The following UBR4 variants were observed in gnomAD, a reference collection of about 807,000 sequenced individuals.
UBR4 encodes ubiquitin protein ligase E3 component n-recognin 4.
UBR4 carries 124 observed loss-of-function variants against 575.6 expected under a neutral mutation model. That is an observed-to-expected ratio of 0.22 (90% CI 0.19 to 0.25). The LOEUF is 0.25. Among genes scored for constraint, UBR4 ranks in the 10% least tolerant of loss-of-function variants. The pLI is 1.00. For synonymous variants in UBR4, 2,455 were observed against 2,473.7 expected (o/e 0.99, Z 0.22); for missense variants, 4,818 against 6,478.8 (o/e 0.74, Z 8.80).
chr1:19,133,588 A>G (rs1051239267), intron 60 of UBR4, among the ~76,000 whole-genome samples: 4 of 152,218 alleles, frequency 2.6e-5, no homozygotes, highest in African/African-American at 7.2e-5. Context: ...TGGAACGAAA[A>G]AAGTTACACT....
Position 19,145,908 on chromosome 1 carries a change from C to T in UBR4, c.7830G>A (p.Pro2610=), listed in dbSNP as rs374122451. 4.5e-5 allele frequency: 73 copies of T among 1,614,108 alleles called. No individual in the cohort carries two copies. The highest frequency in any genetic ancestry group is 1.5e-4 in the African/African-American group (11 of 75,050). Reference sequence around the variant, plus strand: ...AGCAATCTCCTTCCAACTGCTTCTGCGGTTCCTTCCCTTCATCCATTCCTT... The same window carrying T: ...AGCAATCTCCTTCCAACTGCTTCTGTGGTTCCTTCCCTTCATCCATTCCTT... ...ETEGMDEGKE[P]QKQLEGDCCS... is the part of the protein sequence containing the mutation. Residue 2610 remains proline, a synonymous_variant, in exon 53 of 106, where the codon CCG becomes CCA. Coordinates refer to ENST00000375254, the MANE Select transcript of UBR4 (RefSeq NM_020765.3).
chr1:19,163,925 G>T (rs2087834391), intron 33 of UBR4, 98 bp from the exon 34 acceptor site: 5 of 1,304,904 alleles, frequency 3.8e-6, no homozygotes, highest in African/African-American at 1.5e-5. Context: ...TCAATCTGAG[G>T]ACACTGTGAA....
intron 25 of UBR4, 150 bp downstream of exon 25, chr1:19,172,714 G>T (rs554843398): frequency 5.5e-5 from 38 of 687,026 alleles, no homozygotes; most frequent in Non-Finnish European, 8.7e-5. Context: ...TCCTCATCAA[G>T]CACCCCTTCA....
intron 71 of UBR4, 100 bp from the exon 72 acceptor site, chr1:19,118,010 A>C (rs1390325984): frequency 1.5e-5 from 17 of 1,133,818 alleles, no homozygotes. Context: ...ATGTGAGCCA[A>C]AGTGAGCCCA....
chr1:19,174,474 T>C (rs368110645), intron 21 of UBR4, 27 bp from the exon 22 acceptor site: 10 of 1,600,416 alleles, frequency 6.2e-6, no homozygotes, highest in Non-Finnish European at 7.6e-6. Context: ...AAGAGAGTCA[T>C]TTCCTTACTT....
chr1:19,184,307 G>T, intron 15 of UBR4, 132 bp from the exon 16 acceptor site: 1 of 1,010,850 alleles, frequency 9.9e-7, no homozygotes, highest in Admixed American at 3.0e-5. Context: ...GAAAGAATCA[G>T]ATTTTAAATC....
chr1:19,155,835 C>A (rs914365897), intron 42 of UBR4, among the ~76,000 whole-genome samples, 167 bp from the exon 43 acceptor site: 14 of 152,124 alleles, frequency 9.2e-5, no homozygotes, highest in Non-Finnish European at 4.4e-5. Context: ...AACAGAACAC[C>A]TTTCACTCTC....
intron 67 of UBR4, 100 bp downstream of exon 67, chr1:19,121,834 G>C (rs1413065083): frequency 7.5e-7 from 1 of 1,325,938 alleles, no homozygotes; most frequent in Admixed American, 1.9e-5. Context: ...CTTGTTCACA[G>C]CTATATCTCC....
At chr1:19,125,915 C>T (rs959995406) in intron 64 of UBR4, among the ~76,000 whole-genome samples, 1 of 152,198 alleles carries the variant, frequency 6.6e-6, no homozygotes, top group Non-Finnish European at 1.5e-5. Flanking sequence ...TCAATGCTCA[C>T]AACAGCCCTG....
Position 19,193,608 on chromosome 1 carries a change from A to G in UBR4, c.1019-51T>C, listed in dbSNP as rs369303847. 6.1e-5 allele frequency: 94 copies of G among 1,550,178 alleles called. No homozygotes were observed. The Middle Eastern group carries it at 1.2e-3, about 20-fold the overall frequency. On this transcript the variant is annotated intron_variant, in intron 8 of 105. Transcript: ENST00000375254. ...AGCCATGGAGTGCATCCAAGAATCC[A>G]CCAAAGCTGAAACACAAAAGCACAC...
chr1:19,154,962 C>T lies in UBR4; in HGVS notation c.6414G>A (p.Arg2138=). 1 of 1,614,172 alleles carries T rather than the reference C, an allele frequency of 6.2e-7. No homozygotes were observed. Among genetic ancestry groups the T allele is most frequent in the Non-Finnish European group, 8.5e-7 (1 of 1,180,004 alleles). ...AGAGTTGCAACACCTCCAGGGTTGT[C>T]CTGCTGATGGTGGCTGCGAATGATT... ...QGKSFAATIS[R]TTLEVLQLFP... The change falls in exon 44 of 106, where the codon AGG becomes AGA. Residue 2138 remains arginine, a synonymous_variant. Coordinates refer to ENST00000375254, the MANE Select transcript of UBR4 (RefSeq NM_020765.3).
chr1:19,130,164 T>G (rs2082264208), intron 60 of UBR4, among the ~76,000 whole-genome samples: 1 of 152,196 alleles, frequency 6.6e-6, no homozygotes, highest in African/African-American at 2.4e-5. Context: ...TGCAGTGAGC[T>G]ATGATCATAC....
chr1:19,160,287 A>G lies in UBR4; in HGVS notation c.5407-6T>C, dbSNP rs570827271. On this transcript the variant is annotated splice_polypyrimidine_tract_variant and splice_region_variant and intron_variant, in intron 38 of 105. Transcript: ENST00000375254. Reference sequence around the variant, plus strand: ...GGAGCGAAGGAGAAATTGGCCTGAGAAAAATAGAAAAAATACACCAGTGAA... The same window carrying G: ...GGAGCGAAGGAGAAATTGGCCTGAGGAAAATAGAAAAAATACACCAGTGAA... The G allele has an allele frequency of 6.3e-7, 1 of 1,588,610 alleles. No individual in the cohort carries two copies. The highest frequency in any genetic ancestry group is 2.3e-5 in the East Asian group (1 of 44,304).
chr1:19,189,065 G>A (rs529606804), intron 11 of UBR4, among the ~76,000 whole-genome samples: 11 of 152,174 alleles, frequency 7.2e-5, no homozygotes, highest in African/African-American at 2.6e-4. Flanking sequence ...AAATACAAAT[G>A]ACCAATAAAT....
chr1:19,107,619 T>A (rs554998799), intron 81 of UBR4, among the ~76,000 whole-genome samples: 62 of 151,984 alleles, frequency 4.1e-4, no homozygotes, highest in African/African-American at 1.5e-3. Context: ...TCCATTTCGA[T>A]ACAAAATACA....
chr1:19,149,758 C>CG, intron 49 of UBR4: 2 of 1,301,586 alleles, frequency 1.5e-6, no homozygotes, highest in Non-Finnish European at 2.0e-6. Context: ...AGAGGGCATA[C>CG]TAACCGGTCC....
chr1:19,079,175 C>T (rs1396399951), intron 103 of UBR4: 1 of 152,144 alleles, frequency 6.6e-6, no homozygotes, highest in African/African-American at 2.4e-5. Flanking sequence ...GAAGCTAAAA[C>T]TATATGGGCC....
chr1:19,105,764 G>C lies in UBR4; in HGVS notation c.12472C>G (p.Arg4158Gly). 6.2e-7 allele frequency: 1 copy of C among 1,610,010 alleles called. No homozygotes were observed. The highest frequency in any genetic ancestry group is 8.5e-7 in the Non-Finnish European group (1 of 1,178,676). The change falls in exon 84 of 106, where the codon CGC (arginine) becomes GGC (glycine). Residue 4158 changes from arginine to glycine, a missense_variant. By Grantham distance (125) the Arg-to-Gly change is moderately radical (BLOSUM62 -2). Coordinates refer to ENST00000375254, the MANE Select transcript of UBR4 (RefSeq NM_020765.3). ...AGCAGGTCCAGGACCTGCTGCTTGC[G>C]GCTGGGAATGGTGGCTAGAGCTTCC... ...IVEALATIPS[R>G]KQQVLDLLTS...
chr1:19,076,836 C>T lies in UBR4; in HGVS notation c.15391G>A (p.Asp5131Asn), dbSNP rs1330180014. The T allele has an allele frequency of 6.2e-7, 1 of 1,612,888 alleles. No individual in the cohort carries two copies. The highest frequency in any genetic ancestry group is 1.7e-5 in the Admixed American group (1 of 59,766). The change falls in exon 105 of 106, where the codon GAC becomes AAC. Residue 5131 changes from aspartate (D) to asparagine (N), a missense_variant. Physicochemically the swap from Asp to Asn is conservative, Grantham distance 23. Transcript: ENST00000375254. ...TCGGCAGCTTCGTAGATGGGCATGT[C>T]GTTGTGGCGGATGTACTCAGCGAGA... ...CSLAEYIRHN[D>N]MPIYEAADKA...
Sources: gnomAD v4.1 joint callset for allele counts (sites outside exome capture counted in the v4.1 genomes callset) on GRCh38, gnomAD v4.1.1 for gene constraint, MANE v1.5 for transcripts, NCBI Gene and HGNC (gene_info 2026-07-23, HGNC 2026-07-21) for gene names.